The following MIA2 variants were observed in gnomAD, a reference collection of about 807,000 sequenced individuals.
MIA2 encodes MIA SH3 domain ER export factor 2, also known as melanoma inhibitory activity protein 2.
Under a neutral mutation model 167.8 loss-of-function variants are expected in MIA2, and 127 were observed. That is an observed-to-expected ratio of 0.76 (90% CI 0.66 to 0.88). The LOEUF (loss-of-function observed/expected upper bound fraction) is 0.88, where lower values mean the gene tolerates loss of function less well. Ranked by LOEUF, MIA2 falls within the 40% of genes least tolerant of loss-of-function variation. The pLI, the probability that MIA2 is intolerant of heterozygous loss-of-function variation, is 0.00. For missense variants in MIA2, 1,690 were observed against 1,624.7 expected (o/e 1.04, Z -0.69); for synonymous variants, 552 against 541.9 (o/e 1.02, Z -0.26).
At chr14:39,283,750 G>T (rs2059262448) in intron 9 of MIA2, among the ~76,000 whole-genome samples, 1 of 152,136 alleles carries the variant, frequency 6.6e-6, no homozygotes, top group Non-Finnish European at 1.5e-5. Context: ...TATCCTTGAT[G>T]ATTGGTGATA....
At chr14:39,268,536 A>G (rs2056480188) in intron 6 of MIA2, among the ~76,000 whole-genome samples, 1 of 152,162 alleles carries the variant, frequency 6.6e-6, no homozygotes, top group East Asian at 1.9e-4. Flanking sequence ...TAGGAGCTGT[A>G]TTACTTAGAG....
chr14:39,357,944 C>G (rs1454836610), intron 23 of MIA2, among the ~76,000 whole-genome samples: 3 of 152,200 alleles, frequency 2.0e-5, no homozygotes, highest in African/African-American at 4.8e-5. Context: ...ATGGACTTCC[C>G]TTTGTGGGTA....
rs2073104388 is a variant in MIA2 at position 39,345,778 on chromosome 14, C to T, written c.3656-126C>T. 7 of 702,228 alleles carry T rather than the reference C, an allele frequency of 1.0e-5. No homozygotes were observed. In the South Asian group the frequency reaches 1.5e-4, roughly 16 times the overall value. The allele number at this position is 702,228 out of a possible 1,614,324, so 43.5% of individuals were successfully genotyped here. ...TTCTTCTGAAATTGTCTACTGTTGT[C>T]AACCAAGAAGATGATGAGTTTAAGT... On this transcript the variant is annotated intron_variant, in intron 25 of 28. Coordinates refer to ENST00000640607, the MANE Select transcript of MIA2 (RefSeq NM_001329214.4).
At chr14:39,368,799 TA>T (rs2074877881) in intron 23 of MIA2, among the ~76,000 whole-genome samples, 1 of 151,934 alleles carries the variant, frequency 6.6e-6, no homozygotes. Flanking sequence ...TTTTTTTCAG[TA>T]AACGTACGTT....
At chr14:39,260,175 A>G (rs1166525452) in intron 6 of MIA2, among the ~76,000 whole-genome samples, 3 of 152,310 alleles carry the variant, frequency 2.0e-5, no homozygotes, top group South Asian at 2.1e-4. Flanking sequence ...ATACGTGTGC[A>G]TGTGTCATTA....
intron 25 of MIA2, among the ~76,000 whole-genome samples, chr14:39,333,325 C>T (rs1251002156): frequency 6.6e-6 from 1 of 152,190 alleles, no homozygotes; most frequent in Non-Finnish European, 1.5e-5. Context: ...GCTCAGACTG[C>T]AGCCTTTTCC....
chr14:39,374,676 C>T (rs558328743), intron 23 of MIA2, among the ~76,000 whole-genome samples: 2 of 152,328 alleles, frequency 1.3e-5, no homozygotes, highest in South Asian at 4.1e-4. Flanking sequence ...GGAGGCTGTC[C>T]TCTTCCTATC....
At chr14:39,268,649 G>A (rs896935167) in intron 6 of MIA2, among the ~76,000 whole-genome samples, 4 of 152,154 alleles carry the variant, frequency 2.6e-5, no homozygotes, top group African/African-American at 9.7e-5. Flanking sequence ...CTTTTCCGTG[G>A]TTAGACTTGT....
intron 17 of MIA2, among the ~76,000 whole-genome samples, chr14:39,307,145 G>T (rs576627581): frequency 3.6e-4 from 54 of 151,988 alleles, no homozygotes; most frequent in African/African-American, 1.2e-3. Flanking sequence ...TTAAAAGGGA[G>T]GGCTAGGTAG....
At chr14:39,241,252 G>C (rs1331737900) in intron 3 of MIA2, among the ~76,000 whole-genome samples, 2 of 152,116 alleles carry the variant, frequency 1.3e-5, no homozygotes, top group East Asian at 3.8e-4. Context: ...AATAAACTTG[G>C]TTAGCTCATT....
intron 6 of MIA2, among the ~76,000 whole-genome samples, chr14:39,261,855 C>T (rs1466096326): frequency 2.0e-5 from 3 of 151,874 alleles, no homozygotes; most frequent in Admixed American, 2.0e-4. Context: ...TTTTCTTGTA[C>T]ATTTGTTTGA....
chr14:39,267,734 G>T (rs988369996), intron 6 of MIA2, among the ~76,000 whole-genome samples: 4 of 152,238 alleles, frequency 2.6e-5, no homozygotes, highest in African/African-American at 9.6e-5. Flanking sequence ...GAGGACCTGG[G>T]GCTCTGGGAA....
At chr14:39,386,515 TTTTATATTCACATTTCTCCTTTTTC>T in intron 23 of MIA2, 1 of 1,400,042 alleles carries the variant, frequency 7.1e-7, no homozygotes, top group African/African-American at 1.5e-5. Flanking sequence ...TGGCCTTTTT[TTTTATATTCACATTTCTCCTTTTTC>T]TTTGGTGATT....
chr14:39,238,803 A>AAAAAAAAAAAAAAAAAAAAAAAAC (rs2053898734), intron 2 of MIA2, among the ~76,000 whole-genome samples: 1 of 146,892 alleles, frequency 6.8e-6, no homozygotes, highest in Non-Finnish European at 1.5e-5. Flanking sequence ...CAAAAAAAAA[A>AAAAAAAAAAAAAAAAAAAAAAAAC]AAAAAAAACC....
intron 13 of MIA2, among the ~76,000 whole-genome samples, chr14:39,298,413 T>TTTTATATATATATATA (rs1397878336): frequency 1.2e-3 from 32 of 26,152 alleles, no homozygotes; most frequent in African/African-American, 3.5e-3. Flanking sequence ...TGATTCTGTT[T>TTTTATATATATATATA]TATATATATA....
At chr14:39,266,659 G>C (rs1388180691) in intron 6 of MIA2, 2 of 985,506 alleles carry the variant, frequency 2.0e-6, no homozygotes, top group Non-Finnish European at 2.4e-6. Context: ...GCACCGGCGC[G>C]TGCCCCGCAG....
intron 4 of MIA2, among the ~76,000 whole-genome samples, chr14:39,248,824 C>T (rs77971512): frequency 2.6e-5 from 4 of 152,036 alleles, no homozygotes; most frequent in East Asian, 1.9e-4. Context: ...ACCGCAGCCT[C>T]GACCTCCTGG....
chr14:39,235,865 C>T (rs1304612538), intron 1 of MIA2, among the ~76,000 whole-genome samples: 1 of 151,960 alleles, frequency 6.6e-6, no homozygotes, highest in Non-Finnish European at 1.5e-5. Context: ...AGATATAGAA[C>T]ATGAAAAGGG....
intron 23 of MIA2, among the ~76,000 whole-genome samples, chr14:39,366,849 G>T (rs1185095520): frequency 6.6e-6 from 1 of 152,302 alleles, no homozygotes; most frequent in East Asian, 1.9e-4. Flanking sequence ...GCTCACAGCT[G>T]CAGGTAGGCA....
Sources: gnomAD v4.1 joint callset for allele counts (sites outside exome capture counted in the v4.1 genomes callset) on GRCh38, gnomAD v4.1.1 for gene constraint, MANE v1.5 for transcripts, NCBI Gene and HGNC (gene_info 2026-07-23, HGNC 2026-07-21) for gene names.